The following FRG1 variants were observed in gnomAD, a reference collection of about 807,000 sequenced individuals.
FRG1 encodes the protein protein FRG1.
A neutral mutation model predicts 37.0 loss-of-function variants in FRG1; 19 were observed. The ratio of observed to expected loss-of-function variants is 0.51; its 90% confidence interval spans 0.36 to 0.75. FRG1 has a LOEUF of 0.75. FRG1 is among the 30% of genes least tolerant of loss of function. FRG1 has a pLI of 0.00. For missense variants in FRG1, 243 were observed against 301.4 expected, an observed-to-expected ratio of 0.81 and a Z score of 1.44; for synonymous variants, 73 against 96.5, an observed-to-expected ratio of 0.76 and a Z score of 1.43.
intron 4 of FRG1, among the ~76,000 whole-genome samples, chr4:189,954,629 CTG>C (rs1736902175): frequency 6.7e-6 from 1 of 148,362 alleles, no homozygotes. Context: ...GAGTCTCACT[CTG>C]TCACCCAGGC....
chr4:189,950,277 A>G (rs528438964), intron 2 of FRG1, among the ~76,000 whole-genome samples: 46 of 152,316 alleles, frequency 3.0e-4, no homozygotes, highest in Admixed American at 2.3e-3. Context: ...TTAATTCCTT[A>G]TAATGTATGT....
chr4:189,959,718 C>T (rs28759112), intron 6 of FRG1: 1 of 170,918 alleles, frequency 5.9e-6, no homozygotes, highest in Non-Finnish European at 1.2e-5. Context: ...CAAAGATTGC[C>T]TTTTTCACTA....
chr4:189,940,941 G>C lies in FRG1; in HGVS notation c.-69G>C, dbSNP rs1000419021. 14 of 1,292,076 alleles carry C rather than the reference G, an allele frequency of 1.1e-5. No individual in the cohort carries two copies. In the Admixed American group the frequency reaches 1.5e-4, roughly 14 times the overall value. 80.0% of individuals were successfully genotyped at this position (1,292,076 alleles called of 1,614,324 possible). On this transcript the variant is annotated 5_prime_UTR_variant, in exon 1 of 9. Transcript: ENST00000226798. ...TCCGCTTCTGTTTCTCCGCGCCCCT[G>C]TGCTGCCCCGACTCACATACTCGTC...
chr4:189,962,960 C>T, intron 8 of FRG1, 133 bp from the exon 9 acceptor site: 1 of 469,990 alleles, frequency 2.1e-6, no homozygotes, highest in Non-Finnish European at 3.8e-6. Flanking sequence ...TAAAAGTATA[C>T]ATATTTTAAT....
rs1736442346 is a variant in FRG1 at position 189,944,382 on chromosome 4, TA to T, written c.133+1111del. Among the ~76,000 whole-genome samples the T allele has an allele frequency of 2.0e-5, 3 of 152,290 alleles. No individual in the cohort carries two copies. In the South Asian group the frequency reaches 6.2e-4, roughly 32 times the overall value. On this transcript the variant is annotated intron_variant, in intron 2 of 8. Transcript: ENST00000226798. The stretch of plus-strand genomic sequence containing the variant: ...TAGTAGCAACAGGGTTTCACCATGT[TA>T]GCCAGGATGGTCAGAAGCTTTTAAT...
rs542205604 is a variant in FRG1, at chr4:189,942,906, A to G, written c.63-296A>G. Among the ~76,000 whole-genome samples the G allele has an allele frequency of 6.6e-5, 10 of 152,296 alleles. No individual in the cohort carries two copies. The East Asian group carries it at 1.9e-3, about 29-fold the overall frequency. On this transcript the variant is annotated intron_variant, in intron 1 of 8. Coordinates refer to ENST00000226798, the MANE Select transcript of FRG1 (RefSeq NM_004477.3). ...ACTATCCTAATTTTTTAAGTGGGGA[A>G]ACTGACTCAGAGAGATTCAGTACCT...
chr4:189,941,893 G>GT (rs1561060866), intron 1 of FRG1: 1 of 439,046 alleles, frequency 2.3e-6, no homozygotes, highest in South Asian at 1.6e-5. Context: ...ATAAACAGAG[G>GT]TTTTGATATT....
chr4:189,943,039 G>A (rs183016085), intron 1 of FRG1, among the ~76,000 whole-genome samples, 163 bp from the exon 2 acceptor site: 3 of 152,292 alleles, frequency 2.0e-5, no homozygotes, highest in Admixed American at 6.5e-5. Flanking sequence ...AAAGCCTGAA[G>A]CAACTTCTCA....
intron 6 of FRG1, among the ~76,000 whole-genome samples, chr4:189,958,477 C>T (rs1344043687): frequency 2.6e-5 from 4 of 152,206 alleles, no homozygotes; most frequent in Non-Finnish European, 5.9e-5. Context: ...TACCCGTCTT[C>T]TTTGCATTAG....
At chr4:189,950,818 A>G (rs1211732414) in intron 2 of FRG1, among the ~76,000 whole-genome samples, 1 of 152,178 alleles carries the variant, frequency 6.6e-6, no homozygotes, top group East Asian at 1.9e-4. Context: ...TTTTCTTAGA[A>G]AATTTTAAGT....
rs1008840285 is a variant in FRG1 at position 189,954,962 on chromosome 4, C to G, written c.318-75C>G. ...AGATATGTACACAGCCACACACATA[C>G]GCATGTCCTGTTTTGATGTCCTATA... On this transcript the variant is annotated intron_variant, in intron 4 of 8. Coordinates refer to ENST00000226798, the MANE Select transcript of FRG1 (RefSeq NM_004477.3). The G allele has an allele frequency of 1.3e-5, 11 of 847,218 alleles. No individual in the cohort carries two copies. In the South Asian group the frequency reaches 1.5e-4, roughly 11 times the overall value. 52.5% of individuals were successfully genotyped at this position (847,218 alleles called of 1,614,324 possible).
At chr4:189,941,799 G>A in intron 1 of FRG1, 1 of 411,540 alleles carries the variant, frequency 2.4e-6, no homozygotes. Context: ...AAATACCTGT[G>A]CACTCATATC....
intron 2 of FRG1, among the ~76,000 whole-genome samples, chr4:189,950,180 ATC>A (rs1190937282): frequency 1.1e-4 from 16 of 152,334 alleles, no homozygotes; most frequent in African/African-American, 3.8e-4. Context: ...TTTGTATATC[ATC>A]TTTGGAGCAA....
At chr4:189,958,392 CTA>C (rs1472487941) in intron 6 of FRG1, among the ~76,000 whole-genome samples, 1 of 152,172 alleles carries the variant, frequency 6.6e-6, no homozygotes, top group African/African-American at 2.4e-5. Flanking sequence ...GATAATCACT[CTA>C]TGAAACATAA....
chr4:189,954,954 C>G, intron 4 of FRG1, 83 bp from the exon 5 acceptor site: 1 of 789,874 alleles, frequency 1.3e-6, no homozygotes, highest in Non-Finnish European at 2.2e-6. Flanking sequence ...TACACAGCCA[C>G]ACACATACGC....
In FRG1 at chr4:189,941,024, C is replaced by G. The variant is rs75403683; in HGVS notation, c.15C>G (p.Ser5=). MAEY[S]YVKSTKLVLK... is the part of the protein sequence containing the mutation. Reference sequence around the variant, plus strand: ...TTCCCGGAGCCATGGCCGAGTACTCCTACGTGAAGTCTACCAAGCTCGTGC... The same window carrying G: ...TTCCCGGAGCCATGGCCGAGTACTCGTACGTGAAGTCTACCAAGCTCGTGC... The change falls in exon 1 of 9, where the codon TCC becomes TCG. Residue 5 remains serine (S), a synonymous_variant. Coordinates refer to ENST00000226798, the MANE Select transcript of FRG1 (RefSeq NM_004477.3). 4.3e-6 allele frequency: 7 copies of G among 1,613,960 alleles called. No individual in the cohort carries two copies. The highest frequency in any genetic ancestry group is 5.9e-6 in the Non-Finnish European group (7 of 1,179,944).
intron 2 of FRG1, among the ~76,000 whole-genome samples, chr4:189,948,828 C>T (rs535033363): frequency 6.6e-6 from 1 of 152,400 alleles, no homozygotes; most frequent in East Asian, 1.9e-4. Flanking sequence ...GTAGCTGGGA[C>T]CACAGGCTCG....
chr4:189,942,266 T>C (rs1561061247), intron 1 of FRG1, among the ~76,000 whole-genome samples: 2 of 152,300 alleles, frequency 1.3e-5, no homozygotes, highest in East Asian at 1.9e-4. Flanking sequence ...TTCACCCTTT[T>C]GTACAGTCAG....
chr4:189,958,021 T>G (rs1390480135), intron 6 of FRG1, among the ~76,000 whole-genome samples: 6 of 152,024 alleles, frequency 3.9e-5, no homozygotes, highest in Non-Finnish European at 7.4e-5. Context: ...AAAGGTAGCC[T>G]CCTCTATAGT....
Sources: allele counts gnomAD v4.1 joint callset (sites outside exome capture counted in the v4.1 genomes callset), GRCh38; gene constraint gnomAD v4.1.1; transcripts MANE v1.5; gene names NCBI Gene and HGNC (gene_info 2026-07-23, HGNC 2026-07-21).